EDN1: variants seen among roughly 807,000 people sequenced by gnomAD.
The protein encoded by EDN1 is endothelin 1, also known as endothelin-1.
Under a neutral mutation model 21.7 loss-of-function variants are expected in EDN1, and 11 were observed. The ratio of observed to expected loss-of-function variants is 0.51; its 90% CI spans 0.32 to 0.84. EDN1 has a LOEUF of 0.84. Among genes scored for constraint, EDN1 ranks in the 40% least tolerant of loss-of-function variants. EDN1 has a pLI of 0.03. For missense variants in EDN1, 244 were observed against 262.3 expected, an observed-to-expected ratio of 0.93 and a Z score of 0.48; for synonymous variants, 85 against 90.6, an observed-to-expected ratio of 0.94 and a Z score of 0.35.
the EDN1 span, among the ~76,000 whole-genome samples, chr6:12,265,369 C>T: frequency 6.6e-6 from 1 of 152,194 alleles, no homozygotes; most frequent in Non-Finnish European, 1.5e-5. Context: ...AATGCCACTA[C>T]ATTTGAGATA....
intron 2 of EDN1, among the ~76,000 whole-genome samples, chr6:12,293,071 C>A (rs866252249): frequency 1.3e-5 from 2 of 152,202 alleles, no homozygotes; most frequent in South Asian, 4.1e-4. Flanking sequence ...CATTTCAGAA[C>A]TGAAATAGAA....
the EDN1 span, among the ~76,000 whole-genome samples, chr6:12,231,439 G>A: frequency 4.6e-5 from 7 of 152,132 alleles, no homozygotes; most frequent in Non-Finnish European, 8.8e-5. Context: ...TTCAAGACAC[G>A]TTTTATTGTT....
chr6:12,277,756 G>A, the EDN1 span, among the ~76,000 whole-genome samples: 11 of 152,236 alleles, frequency 7.2e-5, no homozygotes, highest in Admixed American at 6.5e-4. Flanking sequence ...AGACAATGGC[G>A]TGATAGACAT....
chr6:12,285,091 AATT>A, the EDN1 span, among the ~76,000 whole-genome samples: 1 of 152,180 alleles, frequency 6.6e-6, no homozygotes, highest in African/African-American at 2.4e-5. Context: ...TAATAATAAT[AATT>A]AACAAACAAT....
At chr6:12,248,141 G>A in the EDN1 span, among the ~76,000 whole-genome samples, 2 of 152,072 alleles carry the variant, frequency 1.3e-5, no homozygotes, top group African/African-American at 4.8e-5. Flanking sequence ...ACAAGATCGA[G>A]GGAAAGAAAA....
the EDN1 span, among the ~76,000 whole-genome samples, chr6:12,278,405 G>A: frequency 6.6e-6 from 1 of 151,994 alleles, no homozygotes. Flanking sequence ...CAGAAGACGC[G>A]ATATAATCCT....
intron 1 of EDN1, 129 bp downstream of exon 1, chr6:12,290,822 A>G: frequency 2.4e-6 from 2 of 824,202 alleles, no homozygotes; most frequent in Non-Finnish European, 2.1e-6. Flanking sequence ...CAAGTGTCTG[A>G]GAATTATTGC....
the EDN1 span, among the ~76,000 whole-genome samples, chr6:12,242,251 A>C: frequency 6.6e-6 from 1 of 152,152 alleles, no homozygotes; most frequent in East Asian, 1.9e-4. Flanking sequence ...CTCTAGGCTA[A>C]TTTCTAACGC....
chr6:12,261,366 C>T, the EDN1 span, among the ~76,000 whole-genome samples: 1 of 152,188 alleles, frequency 6.6e-6, no homozygotes, highest in Non-Finnish European at 1.5e-5. Context: ...AGGTACGCTC[C>T]GAAATCTCAA....
At chr6:12,279,817 G>T in the EDN1 span, among the ~76,000 whole-genome samples, 2 of 151,898 alleles carry the variant, frequency 1.3e-5, no homozygotes, top group Non-Finnish European at 2.9e-5. Flanking sequence ...AAGGCAAACA[G>T]ATACTAGAGA....
chr6:12,287,477 C>G (rs1239193618), upstream of EDN1, among the ~76,000 whole-genome samples: 5 of 151,992 alleles, frequency 3.3e-5, no homozygotes, highest in Non-Finnish European at 7.4e-5. Context: ...AAATGTCTTG[C>G]TGGGAGGCTG....
chr6:12,235,977 T>C, the EDN1 span, among the ~76,000 whole-genome samples: 1 of 152,218 alleles, frequency 6.6e-6, no homozygotes, highest in African/African-American at 2.4e-5. Flanking sequence ...ATACTGGCTT[T>C]ACAAGCAGAC....
At chr6:12,238,064 C>T in the EDN1 span, among the ~76,000 whole-genome samples, 7 of 149,068 alleles carry the variant, frequency 4.7e-5, no homozygotes, top group East Asian at 8.3e-4. Context: ...CCCAGCTACT[C>T]GGGAGGCTGA....
chr6:12,275,802 C>CGT, the EDN1 span, among the ~76,000 whole-genome samples: 5,531 of 147,092 alleles, frequency 0.038, 103 homozygotes, highest in Admixed American at 0.054. Flanking sequence ...TTGGGGGCAC[C>CGT]GTGTGTGTGT....
chr6:12,279,688 T>C, the EDN1 span, among the ~76,000 whole-genome samples: 1 of 152,152 alleles, frequency 6.6e-6, no homozygotes, highest in African/African-American at 2.4e-5. Context: ...AAGATGCCAC[T>C]AGGAAAATTT....
chr6:12,292,655 T>G (rs1762714711), intron 2 of EDN1, 146 bp downstream of exon 2: 1 of 976,138 alleles, frequency 1.0e-6, no homozygotes, highest in Admixed American at 2.1e-5. Context: ...TTTCCCTCTA[T>G]TCCTGAAAAT....
the EDN1 span, among the ~76,000 whole-genome samples, chr6:12,245,707 CT>C: frequency 1.4e-4 from 21 of 152,180 alleles, no homozygotes; most frequent in Non-Finnish European, 2.4e-4. Context: ...TGCATTTTTC[CT>C]TCCCCTTTGG....
At chr6:12,287,803 A>G (rs1762587077), upstream of EDN1, among the ~76,000 whole-genome samples, 1 of 149,950 alleles carries the variant, frequency 6.7e-6, no homozygotes, top group South Asian at 2.1e-4. Flanking sequence ...TCAGGATTCA[A>G]AGAGACAGGG....
At chr6:12,236,432 G>T in the EDN1 span, among the ~76,000 whole-genome samples, 1 of 151,730 alleles carries the variant, frequency 6.6e-6, no homozygotes, top group East Asian at 1.9e-4. Context: ...TATTTTTTTT[G>T]TATTTTTAGT....
Sources: allele counts gnomAD v4.1 joint callset (sites outside exome capture counted in the v4.1 genomes callset), GRCh38; gene constraint gnomAD v4.1.1; transcripts MANE v1.5; gene names NCBI Gene and HGNC (gene_info 2026-07-23, HGNC 2026-07-21).